Variants in KDM4A observed in about 807,000 individuals in gnomAD.
KDM4A encodes the protein lysine demethylase 4A.
Under a neutral mutation model 127.1 loss-of-function variants are expected in KDM4A, and 23 were observed. That is an observed-to-expected ratio of 0.18 (90% CI 0.13 to 0.26). The LOEUF is 0.26. Among genes scored for constraint, KDM4A ranks in the 10% least tolerant of loss-of-function variants. The probability of loss-of-function intolerance (pLI) is 1.00; values close to 1 mark genes in which losing one functional copy is unlikely to be tolerated. For synonymous variants in KDM4A, 443 were observed against 466.5 expected (o/e 0.95, Z 0.65); for missense variants, 890 against 1,329.1 (o/e 0.67, Z 5.14).
Position 43,671,830 on chromosome 1 carries a change from G to A in KDM4A, c.1689G>A (p.Lys563=), listed in dbSNP as rs762980771. 3 of 1,589,738 alleles carry A rather than the reference G, an allele frequency of 1.9e-6. No individual in the cohort carries two copies. The highest frequency in any genetic ancestry group is 2.6e-6 in the Non-Finnish European group (3 of 1,168,158). ...RVTVGEPCTR[K]KGSAARSFSE... Reference sequence around the variant, plus strand: ...CTGTGGGAGAGCCATGCACGAGGAAGAAAGGAAGCGCCGCTAGAAGTTTCA... The same window carrying A: ...CTGTGGGAGAGCCATGCACGAGGAAAAAAGGAAGCGCCGCTAGAAGTTTCA... The change falls in exon 11 of 22, where the codon AAG becomes AAA. Residue 563 remains lysine (K), a synonymous_variant. Transcript: ENST00000372396.
At chr1:43,703,522 A>C in intron 19 of KDM4A, 95 bp from the exon 20 acceptor site, 1 of 1,488,660 alleles carries the variant, frequency 6.7e-7, no homozygotes, top group Non-Finnish European at 9.2e-7. Flanking sequence ...TAAAACAGTT[A>C]CTTTGTCCTG....
Position 43,655,633 on chromosome 1 carries a change from G to T in KDM4A, c.181G>T (p.Asp61Tyr), listed in dbSNP as rs774896534. ...KEWKPRASYD[D>Y]IDDLVIPAPI... ...GTGGAAGCCACGAGCATCCTATGAT[G>T]ACATTGATGATTTGGTCATTCCTGC... The change falls in exon 3 of 22, where the codon GAC (aspartate) becomes TAC (tyrosine). Residue 61 changes from aspartate (D) to tyrosine (Y), a missense_variant. Coordinates refer to ENST00000372396, the MANE Select transcript of KDM4A (RefSeq NM_014663.3). The T allele has an allele frequency of 1.9e-6, 3 of 1,612,924 alleles. No homozygotes were observed. Among genetic ancestry groups the T allele is most frequent in the Admixed American group, 3.3e-5 (2 of 59,956 alleles).
intron 6 of KDM4A, among the ~76,000 whole-genome samples, chr1:43,666,056 G>C (rs1660495976): frequency 6.6e-6 from 1 of 152,154 alleles, no homozygotes; most frequent in Non-Finnish European, 1.5e-5. Flanking sequence ...TTTATGCTTT[G>C]TTTCTTTTAA....
At position 43,695,323 on chromosome 1, in the gene KDM4A, T is replaced by C. The variant is rs189049358; in HGVS notation, c.2670+429T>C. On this transcript the variant is annotated intron_variant, in intron 18 of 21. Coordinates refer to ENST00000372396, the MANE Select transcript of KDM4A (RefSeq NM_014663.3). ...CTGCAGTTCTCTTAATGGTAAAGCT[T>C]AGAGAAAAAGTGACATGTAATGTTA... Among the ~76,000 whole-genome samples, 110 of 152,242 alleles carry C rather than the reference T, an allele frequency of 7.2e-4. 1 individual carries two copies. The highest frequency in any genetic ancestry group is 1.8e-3 in the Admixed American group (28 of 15,296).
chr1:43,684,590 C>T (rs1037994961), intron 12 of KDM4A, among the ~76,000 whole-genome samples: 2 of 152,086 alleles, frequency 1.3e-5, no homozygotes, highest in African/African-American at 2.4e-5. Context: ...AGAGGAACTA[C>T]AGTCAGCTCA....
chr1:43,704,433 C>G lies in KDM4A; in HGVS notation c.*63C>G. 1 of 1,497,534 alleles carries G rather than the reference C, an allele frequency of 6.7e-7. No individual in the cohort carries two copies. Among genetic ancestry groups the G allele is most frequent in the Non-Finnish European group, 9.1e-7 (1 of 1,099,942 alleles). The allele number at this position is 1,497,534 out of a possible 1,614,324, so 92.8% of individuals were successfully genotyped here. On this transcript the variant is annotated 3_prime_UTR_variant, in exon 22 of 22. Coordinates refer to ENST00000372396, the MANE Select transcript of KDM4A (RefSeq NM_014663.3). ...CAAGAGCACTCTGGGTTCCACAGCA[C>G]AGCAGACATGGAACGCTGAAGTCTC... is the stretch of plus-strand genomic sequence containing the variant.
chr1:43,690,715 G>A, intron 13 of KDM4A, 130 bp from the exon 14 acceptor site: 1 of 848,240 alleles, frequency 1.2e-6, no homozygotes, highest in Non-Finnish European at 2.0e-6. Flanking sequence ...CCGGGATAAT[G>A]GCTGTGCACC....
chr1:43,695,470 C>T (rs1661219597), intron 18 of KDM4A, among the ~76,000 whole-genome samples: 2 of 152,056 alleles, frequency 1.3e-5, no homozygotes, highest in Admixed American at 1.3e-4. Flanking sequence ...ATGAACAGGT[C>T]GCAGAAGAAG....
rs528653782 is a variant in KDM4A at position 43,666,195 on chromosome 1, A to G, written c.674-257A>G. 501 of 477,134 alleles carry G rather than the reference A, an allele frequency of 1.1e-3. 1 individual carries two copies. The highest frequency in any genetic ancestry group is 1.5e-3 in the Non-Finnish European group (398 of 271,222). 29.6% of individuals were successfully genotyped at this position (477,134 alleles called of 1,614,324 possible). On this transcript the variant is annotated intron_variant, in intron 6 of 21. Coordinates refer to ENST00000372396, the MANE Select transcript of KDM4A (RefSeq NM_014663.3). Reference sequence around the variant, plus strand: ...AGGTCCTAAATAGTTTCAAAGCTCTATAAGAACAGAGGCAGCTTGGGTGAC... The same window carrying G: ...AGGTCCTAAATAGTTTCAAAGCTCTGTAAGAACAGAGGCAGCTTGGGTGAC...
chr1:43,677,397 T>C (rs1213338276), intron 11 of KDM4A, among the ~76,000 whole-genome samples: 1 of 150,834 alleles, frequency 6.6e-6, no homozygotes, highest in Non-Finnish European at 1.5e-5. Context: ...ATGATAACTA[T>C]GCCATTATTA....
chr1:43,674,492 A>G (rs1236241262), intron 11 of KDM4A, among the ~76,000 whole-genome samples: 1 of 150,242 alleles, frequency 6.7e-6, no homozygotes, highest in African/African-American at 2.5e-5. Flanking sequence ...GTGACTTTTA[A>G]CCTGTGACTA....
intron 6 of KDM4A, 104 bp downstream of exon 6, chr1:43,665,849 G>T: frequency 1.7e-6 from 2 of 1,196,306 alleles, no homozygotes; most frequent in South Asian, 1.2e-5. Context: ...TGCAGGTCCT[G>T]TTGCAGGCCT....
chr1:43,657,496 C>T (rs567001033), intron 3 of KDM4A, among the ~76,000 whole-genome samples: 3 of 152,240 alleles, frequency 2.0e-5, no homozygotes, highest in Admixed American at 6.5e-5. Context: ...CCACCGTGCC[C>T]GGCCAACCTT....
chr1:43,679,062 A>T (rs1369621202), intron 11 of KDM4A, among the ~76,000 whole-genome samples: 1 of 152,194 alleles, frequency 6.6e-6, no homozygotes, highest in Non-Finnish European at 1.5e-5. Flanking sequence ...GGTCGCCTAG[A>T]GTAGTCAGAT....
In KDM4A at chr1:43,690,949, T is replaced by G; in HGVS notation, c.2142T>G (p.Thr714=). 4.3e-6 allele frequency: 7 copies of G among 1,614,258 alleles called. No homozygotes were observed. The highest frequency in any genetic ancestry group is 5.9e-6 in the Non-Finnish European group (7 of 1,180,046). ...TTCCAGAAATGTGCTTCACTTCGAC[T>G]GGCTGCAGCACGGACATCAACCTTT... The part of the protein sequence containing the change: ...PLIPEMCFTS[T]GCSTDINLST... Residue 714 remains threonine, a synonymous_variant, in exon 14 of 22, where the codon ACT becomes ACG. Coordinates refer to ENST00000372396, the MANE Select transcript of KDM4A (RefSeq NM_014663.3).
chr1:43,656,468 G>T (rs1660242973), intron 3 of KDM4A, among the ~76,000 whole-genome samples: 1 of 148,680 alleles, frequency 6.7e-6, no homozygotes, highest in African/African-American at 2.5e-5. Flanking sequence ...CTCCCAAGTA[G>T]CTGGGACTAC....
intron 13 of KDM4A, chr1:43,690,625 G>A (rs1661086135): frequency 1.7e-6 from 1 of 588,720 alleles, no homozygotes; most frequent in Non-Finnish European, 3.0e-6. Flanking sequence ...CCTTTTCTCA[G>A]TTGTCCCCTA....
chr1:43,657,750 C>CTTTTTTT (rs140666245), intron 3 of KDM4A, among the ~76,000 whole-genome samples: 19 of 116,438 alleles, frequency 1.6e-4, no homozygotes, highest in African/African-American at 5.6e-4. Context: ...TTTTTCTTTT[C>CTTTTTTT]TTTTTTTTTT....
At chr1:43,681,712 G>A (rs191246570) in intron 11 of KDM4A, among the ~76,000 whole-genome samples, 8 of 152,264 alleles carry the variant, frequency 5.3e-5, no homozygotes, top group East Asian at 3.9e-4. Context: ...AAGTGATGGC[G>A]GGGGCAGGTC....
Sources: gnomAD v4.1 joint callset for allele counts (sites outside exome capture counted in the v4.1 genomes callset) on GRCh38, gnomAD v4.1.1 for gene constraint, MANE v1.5 for transcripts, NCBI Gene and HGNC (gene_info 2026-07-23, HGNC 2026-07-21) for gene names.